The following NAP1L1 variants were observed in gnomAD, a reference collection of about 807,000 sequenced individuals.
NAP1L1 encodes nucleosome assembly protein 1-like 1.
In NAP1L1, 9 loss-of-function variants were observed where a neutral mutation model predicts 58.9. The ratio of observed to expected loss-of-function variants is 0.15; its 90% CI spans 0.09 to 0.27. The LOEUF (loss-of-function observed/expected upper bound fraction) is 0.27, where lower values mean the gene tolerates loss of function less well. Among genes scored for constraint, NAP1L1 ranks in the 10% least tolerant of loss-of-function variants. NAP1L1 has a pLI of 1.00. For missense variants in NAP1L1, 302 were observed against 458.8 expected, an observed-to-expected ratio of 0.66 and a Z score of 3.12; for synonymous variants, 130 against 138.3, an observed-to-expected ratio of 0.94 and a Z score of 0.42.
At chr12:76,068,108 T>C (rs1949768981) in intron 3 of NAP1L1, among the ~76,000 whole-genome samples, 1 of 152,220 alleles carries the variant, frequency 6.6e-6, no homozygotes, top group Non-Finnish European at 1.5e-5. Context: ...TCATCATCAA[T>C]ACAGTTATTA....
intron 4 of NAP1L1, 152 bp from the exon 5 acceptor site, chr12:76,060,431 T>C: frequency 1.4e-6 from 1 of 696,340 alleles, no homozygotes; most frequent in Non-Finnish European, 2.4e-6. Context: ...ATCAAATAGA[T>C]ATAAATACAT....
chr12:76,055,961 A>G, intron 7 of NAP1L1, 72 bp downstream of exon 7: 1 of 1,462,472 alleles, frequency 6.8e-7, no homozygotes, highest in Non-Finnish European at 9.5e-7. Context: ...TGAAGAGAAC[A>G]GTGATCACAG....
chr12:76,067,310 A>C (rs774063854), intron 4 of NAP1L1, 61 bp downstream of exon 4: 59 of 1,281,750 alleles, frequency 4.6e-5, no homozygotes, highest in Non-Finnish European at 6.4e-5. Context: ...TGGTCTTAAA[A>C]ATAGATACGC....
rs1035475290 is a variant in NAP1L1 at position 76,041,442 on chromosome 12, G to A, written c.*6987C>T. ...CATGCACAAAAGCCCAGTGGCAGAA[G>A]TAAAAGAAAAGGCAGCCAAGCAGAG... On this transcript the variant is annotated 3_prime_UTR_variant, in exon 15 of 15. Transcript: ENST00000618691. The A allele has an allele frequency of 6.6e-6, 1 of 152,260 alleles. No individual in the cohort carries two copies. Among genetic ancestry groups the A allele is most frequent in the African/African-American group, 2.4e-5 (1 of 41,454 alleles). The allele number at this position is 152,260 out of a possible 1,614,324, so 9.4% of individuals were successfully genotyped here.
rs931510862 is a variant in NAP1L1 at position 76,038,559 on chromosome 12, AAAG to A, written c.*9867_*9869del. 3.3e-5 allele frequency: 5 copies of A among 152,364 alleles called. No homozygotes were observed. Among genetic ancestry groups the A allele is most frequent in the African/African-American group, 1.2e-4 (5 of 41,588 alleles). The allele number at this position is 152,364 out of a possible 1,614,324, so 9.4% of individuals were successfully genotyped here. ...CAATTCCTCCCAAAAACATGAGAAT[AAAG>A]AAGGTGGTAGTGGTGTTACTTTAGA... On this transcript the variant is annotated 3_prime_UTR_variant, in exon 15 of 15. Coordinates refer to ENST00000618691, the MANE Select transcript of NAP1L1 (RefSeq NM_004537.7).
intron 2 of NAP1L1, among the ~76,000 whole-genome samples, chr12:76,069,362 AAAAGTCTACATTTCCTAGCC>A (rs1949840801): frequency 6.6e-6 from 1 of 152,252 alleles, no homozygotes; most frequent in Non-Finnish European, 1.5e-5. Flanking sequence ...ACACCAAGCT[AAAAGTCTACATTTCCTAGCC>A]TACCTTTAGC....
chr12:76,038,995 C>A lies in NAP1L1; in HGVS notation c.*9434G>T, dbSNP rs1948525995. The A allele has an allele frequency of 6.6e-6, 1 of 152,120 alleles. No individual in the cohort carries two copies. 9.4% of individuals were successfully genotyped at this position (152,120 alleles called of 1,614,324 possible). A position where few individuals can be genotyped will look rare whatever the true frequency, so the allele number is the denominator to read the frequency against. On this transcript the variant is annotated 3_prime_UTR_variant, in exon 15 of 15. Transcript: ENST00000618691. ...AAAAAGCCTTGGGCAAAGCAGGACT[C>A]CAATCATAATTAATCCTTTTGGGCC...
chr12:76,061,061 C>CT (rs1383874471), intron 4 of NAP1L1: 4 of 440,870 alleles, frequency 9.1e-6, no homozygotes, highest in Non-Finnish European at 1.8e-5. Flanking sequence ...CACCACTGCA[C>CT]TCCAGCCTGG....
At chr12:76,072,182 T>C (rs1311176933) in intron 2 of NAP1L1, among the ~76,000 whole-genome samples, 2 of 147,940 alleles carry the variant, frequency 1.4e-5, no homozygotes, top group African/African-American at 2.5e-5. Context: ...GAAAGCATCC[T>C]AGATTGAGAC....
At chr12:76,054,363 T>A (rs1439045279) in intron 8 of NAP1L1, among the ~76,000 whole-genome samples, 1 of 152,188 alleles carries the variant, frequency 6.6e-6, no homozygotes, top group African/African-American at 2.4e-5. Context: ...GACTGTCAGA[T>A]GAGCCCCAAA....
At position 76,063,471 on chromosome 12, in the gene NAP1L1, A is replaced by G. The variant is rs1949510463; in HGVS notation, c.207-3192T>C. On this transcript the variant is annotated intron_variant, in intron 4 of 14. Coordinates refer to ENST00000618691, the MANE Select transcript of NAP1L1 (RefSeq NM_004537.7). ...TGGCAGCAATAAATCCAAAAACAAT[A>G]CAACTTCTAAGAAATGCAACTAATA... 2.6e-5 allele frequency among the ~76,000 whole-genome samples: 4 copies of G among 152,202 alleles called. No homozygotes were observed. In the South Asian group the frequency reaches 8.3e-4, roughly 31 times the overall value.
At position 76,043,126 on chromosome 12, in the gene NAP1L1, G is replaced by A. The variant is rs1408475911; in HGVS notation, c.*5303C>T. 6.6e-6 allele frequency: 1 copy of A among 152,124 alleles called. No individual in the cohort carries two copies. The highest frequency in any genetic ancestry group is 1.5e-5 in the Non-Finnish European group (1 of 68,020). The allele number at this position is 152,124 out of a possible 1,614,324, so 9.4% of individuals were successfully genotyped here. A position where few individuals can be genotyped will look rare whatever the true frequency, so the allele number is the denominator to read the frequency against. On this transcript the variant is annotated 3_prime_UTR_variant, in exon 15 of 15. Transcript: ENST00000618691. ...CCACGTCATTTAACTTACTTTTTCAGTTGCATATATATGACCCTGAAGCCT... is the reference window on the plus strand; with the variant it reads ...CCACGTCATTTAACTTACTTTTTCAATTGCATATATATGACCCTGAAGCCT...
chr12:76,050,413 T>G, intron 12 of NAP1L1, 118 bp downstream of exon 12: 1 of 1,268,318 alleles, frequency 7.9e-7, no homozygotes. Context: ...ACATCAGTAA[T>G]TAGCCTAATT....
At chr12:76,055,558 G>A (rs1005164647) in intron 7 of NAP1L1, among the ~76,000 whole-genome samples, 1 of 152,148 alleles carries the variant, frequency 6.6e-6, no homozygotes, top group African/African-American at 2.4e-5. Context: ...CAATGTAGAC[G>A]GTAGGGGCTC....
chr12:76,053,935 G>A (rs1229484575), intron 8 of NAP1L1, 26 bp from the exon 9 acceptor site: 1 of 1,587,122 alleles, frequency 6.3e-7, no homozygotes, highest in Admixed American at 1.9e-5. Flanking sequence ...ATAAAAATCA[G>A]TTAAATACCT....
At chr12:76,083,473 CAAAAAAAA>C (rs34033928) in intron 1 of NAP1L1, among the ~76,000 whole-genome samples, 3 of 87,214 alleles carry the variant, frequency 3.4e-5, no homozygotes, top group African/African-American at 1.4e-4. Context: ...CTTTTTTTTC[CAAAAAAAA>C]AAAAAAAAAA....
At chr12:76,049,153 C>A (rs1948708016) in intron 14 of NAP1L1, 47 bp downstream of exon 14, 1 of 1,541,926 alleles carries the variant, frequency 6.5e-7, no homozygotes, top group East Asian at 2.2e-5. Context: ...CCAACTCTTA[C>A]TTTAGCTATC....
intron 8 of NAP1L1, 75 bp from the exon 9 acceptor site, chr12:76,053,984 T>A: frequency 7.1e-7 from 1 of 1,402,020 alleles, no homozygotes; most frequent in Non-Finnish European, 9.7e-7. Context: ...CACAGCTTCA[T>A]CTGTTTTTAT....
chr12:76,066,141 C>T (rs7967993), intron 4 of NAP1L1, among the ~76,000 whole-genome samples: 2,062 of 11,292 alleles, frequency 0.18, 14 homozygotes, highest in African/African-American at 0.24. Flanking sequence ...AATAAATAAA[C>T]AAACAAACAA....
Sources: allele counts gnomAD v4.1 joint callset (sites outside exome capture counted in the v4.1 genomes callset), GRCh38; gene constraint gnomAD v4.1.1; transcripts MANE v1.5; gene names NCBI Gene and HGNC (gene_info 2026-07-23, HGNC 2026-07-21).